Variants in ST8SIA1 observed in about 807,000 individuals in gnomAD.
The protein encoded by ST8SIA1 is alpha-N-acetylneuraminide alpha-2,8-sialyltransferase.
ST8SIA1 carries 16 observed loss-of-function variants against 35.9 expected under a neutral mutation model. That is an observed-to-expected ratio of 0.45 (90% confidence interval 0.30 to 0.68). The LOEUF (loss-of-function observed/expected upper bound fraction) is 0.68. ST8SIA1 is among the 30% of genes least tolerant of loss of function. ST8SIA1 has a pLI of 0.09. For synonymous variants in ST8SIA1, 170 were observed against 169.6 expected (o/e 1.00, Z -0.02); for missense variants, 383 against 453.6 (o/e 0.84, Z 1.41).
In ST8SIA1 at chr12:22,325,870, A is replaced by C. The variant is rs1218498465; in HGVS notation, c.236+8127T>G. ...GTGTTCCTTGAACACAAGCACGGTG[A>C]TCCCACCACCAAGATGGATATTAAG... On this transcript the variant is annotated intron_variant, in intron 1 of 4. Transcript: ENST00000396037. The C allele has an allele frequency of 5.7e-6, 4 of 701,920 alleles. No individual in the cohort carries two copies. The African/African-American group carries it at 7.0e-5, about 12-fold the overall frequency. 43.5% of individuals were successfully genotyped at this position (701,920 alleles called of 1,614,324 possible). A position where few individuals can be genotyped will look rare whatever the true frequency, so the allele number is the denominator to read the frequency against.
intron 2 of ST8SIA1, among the ~76,000 whole-genome samples, chr12:22,285,440 T>G (rs1487056901): frequency 6.6e-6 from 1 of 152,230 alleles, no homozygotes; most frequent in Non-Finnish European, 1.5e-5. Context: ...CTGCTAAAAG[T>G]ACCTAAAGAG....
At chr12:22,300,003 C>A (rs2135824268) in intron 1 of ST8SIA1, among the ~76,000 whole-genome samples, 1 of 152,284 alleles carries the variant, frequency 6.6e-6, no homozygotes, top group Non-Finnish European at 1.5e-5. Context: ...ACAGATTTTA[C>A]ATTTTATCAA....
At chr12:22,222,645 C>T (rs1865312622) in intron 4 of ST8SIA1, among the ~76,000 whole-genome samples, 1 of 151,634 alleles carries the variant, frequency 6.6e-6, no homozygotes, top group South Asian at 2.1e-4. Context: ...TACATATATA[C>T]ATATACTTAT....
At chr12:22,266,848 T>C (rs966681802) in intron 2 of ST8SIA1, among the ~76,000 whole-genome samples, 12 of 145,054 alleles carry the variant, frequency 8.3e-5, no homozygotes, top group East Asian at 2.0e-4. Context: ...CACAAAAGTA[T>C]ACACACACAC....
chr12:22,268,861 C>T (rs1017376807), intron 2 of ST8SIA1, among the ~76,000 whole-genome samples: 6 of 152,174 alleles, frequency 3.9e-5, no homozygotes, highest in Non-Finnish European at 7.3e-5. Flanking sequence ...AGAAGCTGCT[C>T]ATGCCCTACT....
chr12:22,320,893 AGGAGAAG>A (rs1866578735), intron 1 of ST8SIA1, among the ~76,000 whole-genome samples: 2 of 149,996 alleles, frequency 1.3e-5, no homozygotes, highest in Non-Finnish European at 3.0e-5. Context: ...AAAGAAAGAA[AGGAGAAG>A]GAAAGAGAGA....
Position 22,334,583 on chromosome 12 carries a change from C to T in ST8SIA1, c.-351G>A. 1 of 324,600 alleles carries T rather than the reference C, an allele frequency of 3.1e-6. No individual in the cohort carries two copies. The highest frequency in any genetic ancestry group is 3.8e-5 in the South Asian group (1 of 26,464). The allele number at this position is 324,600 out of a possible 1,614,324, so 20.1% of individuals were successfully genotyped here. On this transcript the variant is annotated 5_prime_UTR_variant, in exon 1 of 5. Transcript: ENST00000396037. ...GGTTCTGCAGCATCACGGTCGCCCT[C>T]GGCGAGGGTCCGGGAGAAGGCTCGG...
chr12:22,312,362 T>C (rs1215036319), intron 1 of ST8SIA1, among the ~76,000 whole-genome samples: 1 of 152,200 alleles, frequency 6.6e-6, no homozygotes, highest in Admixed American at 6.5e-5. Flanking sequence ...AGCAATCTAC[T>C]AAGTTAATTT....
chr12:22,206,875 T>C (rs1047777857), intron 4 of ST8SIA1, among the ~76,000 whole-genome samples: 2 of 152,160 alleles, frequency 1.3e-5, no homozygotes, highest in African/African-American at 4.8e-5. Context: ...ACATCTATAA[T>C]TAGTTTGTTT....
At chr12:22,271,810 C>T (rs530330101) in intron 2 of ST8SIA1, among the ~76,000 whole-genome samples, 4 of 152,270 alleles carry the variant, frequency 2.6e-5, no homozygotes, top group African/African-American at 9.6e-5. Context: ...GTTCTTAGAT[C>T]TCTCAACCAT....
chr12:22,256,414 G>C (rs1167713069), intron 2 of ST8SIA1, among the ~76,000 whole-genome samples: 3 of 152,202 alleles, frequency 2.0e-5, no homozygotes, highest in Non-Finnish European at 4.4e-5. Context: ...GAACTGCCAG[G>C]TACAGAATTT....
intron 1 of ST8SIA1, among the ~76,000 whole-genome samples, chr12:22,299,450 A>G (rs1229814571): frequency 6.6e-6 from 1 of 152,140 alleles, no homozygotes; most frequent in Non-Finnish European, 1.5e-5. Context: ...TGTTTATGAA[A>G]GAGGGATGTT....
chr12:22,322,693 C>T (rs527688533), intron 1 of ST8SIA1, among the ~76,000 whole-genome samples: 4 of 152,278 alleles, frequency 2.6e-5, no homozygotes, highest in South Asian at 2.1e-4. Flanking sequence ...GGACACAATA[C>T]AGATGATATC....
chr12:22,285,342 G>A (rs1866085060), intron 2 of ST8SIA1, among the ~76,000 whole-genome samples: 1 of 152,148 alleles, frequency 6.6e-6, no homozygotes, highest in African/African-American at 2.4e-5. Flanking sequence ...CTTGTACTCA[G>A]TAATTCTAGG....
At chr12:22,245,940 A>C (rs1182374286) in intron 4 of ST8SIA1, among the ~76,000 whole-genome samples, 1 of 152,220 alleles carries the variant, frequency 6.6e-6, no homozygotes. Context: ...TGGTGTGCCC[A>C]GGGAGGGCAT....
At chr12:22,245,299 T>C (rs1865587547) in intron 4 of ST8SIA1, among the ~76,000 whole-genome samples, 1 of 152,222 alleles carries the variant, frequency 6.6e-6, no homozygotes, top group Non-Finnish European at 1.5e-5. Flanking sequence ...TTGTCTAAAG[T>C]GTCTCTCAAT....
At chr12:22,305,617 G>A (rs1456625146) in intron 1 of ST8SIA1, among the ~76,000 whole-genome samples, 3 of 152,132 alleles carry the variant, frequency 2.0e-5, no homozygotes, top group Admixed American at 6.5e-5. Flanking sequence ...CTGACCTCAG[G>A]TGACCCACCT....
intron 4 of ST8SIA1, among the ~76,000 whole-genome samples, chr12:22,243,082 T>C (rs1158066823): frequency 1.3e-5 from 2 of 152,204 alleles, no homozygotes; most frequent in South Asian, 2.1e-4. Flanking sequence ...TTTCTTTTTT[T>C]CACTATAATT....
chr12:22,273,798 T>C (rs974395987), intron 2 of ST8SIA1, among the ~76,000 whole-genome samples: 1 of 152,216 alleles, frequency 6.6e-6, no homozygotes, highest in Non-Finnish European at 1.5e-5. Flanking sequence ...ATCTCTACCA[T>C]GTCTCAAGCA....
Sources: gnomAD v4.1 joint callset for allele counts (sites outside exome capture counted in the v4.1 genomes callset) on GRCh38, gnomAD v4.1.1 for gene constraint, MANE v1.5 for transcripts, NCBI Gene and HGNC (gene_info 2026-07-23, HGNC 2026-07-21) for gene names.